The following OVCH2 variants were observed in gnomAD, a reference collection of about 807,000 sequenced individuals.
The protein encoded by OVCH2 is ovochymase-2.
In OVCH2, 88 loss-of-function variants were observed where a neutral mutation model predicts 73.7. The ratio of observed to expected loss-of-function variants is 1.19; its 90% CI spans 1.01 to 1.43. The LOEUF is 1.43. Ranked by LOEUF, OVCH2 falls within the 40% of genes most tolerant of loss-of-function variation. The pLI is 0.00. For missense variants in OVCH2, 706 were observed against 674.5 expected (o/e 1.05, Z -0.52); for synonymous variants, 265 against 234.5 (o/e 1.13, Z -1.19).
At chr11:7,695,432 T>C (rs1856310814) in intron 11 of OVCH2, 138 bp downstream of exon 11, 6 of 968,354 alleles carry the variant, frequency 6.2e-6, no homozygotes, top group Non-Finnish European at 9.2e-6. Context: ...CCCTGTTCTC[T>C]AGTTGGCCTG....
the OVCH2 span, among the ~76,000 whole-genome samples, chr11:7,681,526 C>G: frequency 6.6e-6 from 1 of 152,144 alleles, no homozygotes. Flanking sequence ...TCAACAGAAC[C>G]GCTTGCAGGG....
chr11:7,693,005 G>A (rs902045023), intron 12 of OVCH2, among the ~76,000 whole-genome samples: 5 of 152,056 alleles, frequency 3.3e-5, no homozygotes, highest in African/African-American at 1.2e-4. Context: ...CACTTGTTTT[G>A]TTTCAGGAAA....
At position 7,702,210 on chromosome 11, in the gene OVCH2, T is replaced by A; in HGVS notation, c.410A>T (p.Lys137Ile). The change falls in exon 4 of 16, where the codon AAA becomes ATA. Residue 137 changes from lysine to isoleucine, a missense_variant. Lys to Ile is a moderately radical substitution (Grantham distance 102, BLOSUM62 -3). Transcript: ENST00000533663. ...AAGGGCAATATCATAGTCCATTGGT[T>A]TCTTGGTGGAGAAATGTGGATGTAT... ...VIIHPHFSTK[K>I]PMDYDIALLK... The A allele has an allele frequency of 1.9e-6, 3 of 1,612,928 alleles. No individual in the cohort carries two copies. In the South Asian group the frequency reaches 3.3e-5, roughly 18 times the overall value.
chr11:7,704,907 A>G (rs958338893), intron 1 of OVCH2, among the ~76,000 whole-genome samples: 1 of 152,158 alleles, frequency 6.6e-6, no homozygotes, highest in African/African-American at 2.4e-5. Context: ...ACTCGGATAG[A>G]GGTTTGCTAG....
chr11:7,683,220 T>C, the OVCH2 span, among the ~76,000 whole-genome samples: 7 of 152,302 alleles, frequency 4.6e-5, no homozygotes, highest in African/African-American at 1.2e-4. Flanking sequence ...TTTAAATGAA[T>C]AGGCAAATCA....
Position 7,704,573 on chromosome 11 carries a change from G to T in OVCH2, c.190C>A (p.Pro64Thr). Residue 64 changes from proline to threonine, a missense_variant, in exon 2 of 16, where the codon CCC (proline) becomes ACC (threonine). Transcript: ENST00000533663. ...GGSQVEKGSYPWQVSLKQRQK... is the reference protein window; with the variant it reads ...GGSQVEKGSYTWQVSLKQRQK... ...AAGTCCTTGAGACTCACCTGCCAGG[G>T]ATAGGAACCCTTCTCCACTTGGCTT... The T allele has an allele frequency of 6.2e-7, 1 of 1,604,896 alleles. No homozygotes were observed. Among genetic ancestry groups the T allele is most frequent in the African/African-American group, 1.3e-5 (1 of 74,796 alleles).
chr11:7,689,954 C>T lies in OVCH2; in HGVS notation c.*1G>A, dbSNP rs576581372. ...ACATTGGTTTCTCCATTTGGCACAT[C>T]TCATGTCTCCAGAAACATTGATTCA... On this transcript the variant is annotated 3_prime_UTR_variant, in exon 15 of 16. Transcript: ENST00000533663. 1 of 1,523,796 alleles carries T rather than the reference C, an allele frequency of 6.6e-7. No individual in the cohort carries two copies. Among genetic ancestry groups the T allele is most frequent in the South Asian group, 1.2e-5 (1 of 83,860 alleles). The allele number at this position is 1,523,796 out of a possible 1,614,324, so 94.4% of individuals were successfully genotyped here. A position where few individuals can be genotyped will look rare whatever the true frequency, so the allele number is the denominator to read the frequency against.
At position 7,702,140 on chromosome 11, in the gene OVCH2, G is replaced by C. The variant is rs1265108837; in HGVS notation, c.463+17C>G. On this transcript the variant is annotated intron_variant, in intron 4 of 15. Coordinates refer to ENST00000533663, the MANE Select transcript of OVCH2 (RefSeq NM_198185.7). ...GAACATGGGGTAGACAATTCAGTAT[G>C]ATCCTCAAATGTTTACCAAATTGGA... 3 of 1,582,534 alleles carry C rather than the reference G, an allele frequency of 1.9e-6. No homozygotes were observed. Among genetic ancestry groups the C allele is most frequent in the Admixed American group, 3.4e-5 (2 of 58,776 alleles).
intron 8 of OVCH2, 81 bp downstream of exon 8, chr11:7,698,669 G>C: frequency 6.8e-7 from 1 of 1,470,144 alleles, no homozygotes; most frequent in East Asian, 2.4e-5. Context: ...CTCTTGGAGA[G>C]GAAGACTTCA....
downstream of OVCH2, among the ~76,000 whole-genome samples, chr11:7,685,110 C>A (rs1185014138): frequency 6.6e-6 from 1 of 152,148 alleles, no homozygotes; most frequent in Non-Finnish European, 1.5e-5. Flanking sequence ...AGTCTTGACA[C>A]CCCTGGGTTT....
downstream of OVCH2, among the ~76,000 whole-genome samples, chr11:7,685,930 G>A (rs1405263605): frequency 6.6e-6 from 1 of 152,112 alleles, no homozygotes; most frequent in Admixed American, 6.6e-5. Context: ...TAGTGTTTTA[G>A]GAGCGGAAAA....
At chr11:7,705,725 A>G (rs534450051) in intron 1 of OVCH2, 2 of 152,398 alleles carry the variant, frequency 1.3e-5, no homozygotes, top group South Asian at 2.1e-4. Flanking sequence ...TAACTGTTTC[A>G]GTTGAATGAG....
chr11:7,696,337 C>G (rs4075013), intron 10 of OVCH2, 128 bp downstream of exon 10: 286,148 of 1,335,428 alleles, frequency 0.21, 31,673 homozygotes, highest in East Asian at 0.3. Flanking sequence ...ACTCCCAATT[C>G]TGAGTCTCAA....
At position 7,702,334 on chromosome 11, in the gene OVCH2, G is replaced by C; in HGVS notation, c.291-5C>G. On this transcript the variant is annotated splice_polypyrimidine_tract_variant and splice_region_variant and intron_variant, in intron 3 of 15. Transcript: ENST00000533663. The stretch of plus-strand genomic sequence containing the variant: ...TTCAAAGTAGACACAATGTTTCTAT[G>C]GAAAGCAAAGAGTAAAATGAATGAA... The C allele has an allele frequency of 1.3e-6, 2 of 1,575,650 alleles. No homozygotes were observed. Among genetic ancestry groups the C allele is most frequent in the Non-Finnish European group, 1.7e-6 (2 of 1,164,678 alleles).
At chr11:7,694,887 G>A (rs1856297141) in intron 12 of OVCH2, among the ~76,000 whole-genome samples, 171 bp downstream of exon 12, 2 of 151,242 alleles carry the variant, frequency 1.3e-5, no homozygotes, top group African/African-American at 4.9e-5. Context: ...GAAACTGGGC[G>A]GATCCATTAT....
intron 15 of OVCH2, 44 bp from the exon 16 acceptor site, chr11:7,689,646 C>A: frequency 1.9e-6 from 1 of 520,794 alleles, no homozygotes; most frequent in Non-Finnish European, 3.7e-6. Context: ...CATCATTACA[C>A]GATATTCTCC....
At chr11:7,695,818 C>G in intron 10 of OVCH2, 108 bp from the exon 11 acceptor site, 2 of 1,406,194 alleles carry the variant, frequency 1.4e-6, no homozygotes, top group Non-Finnish European at 9.7e-7. Context: ...TTGTCCAATC[C>G]AAAGTTTCTC....
At position 7,689,567 on chromosome 11, in the gene OVCH2, C is replaced by T. The variant is rs1041535568; in HGVS notation, c.*67G>A. On this transcript the variant is annotated 3_prime_UTR_variant, in exon 16 of 16. Coordinates refer to ENST00000533663, the MANE Select transcript of OVCH2 (RefSeq NM_198185.7). ...CTGCCCCAAGCCTCTCCTCTAGCTT[C>T]TGGTGGTTTACTGACAGTCACTGGT... 5.2e-5 allele frequency: 24 copies of T among 460,906 alleles called. No individual in the cohort carries two copies. The highest frequency in any genetic ancestry group is 4.1e-4 in the East Asian group (6 of 14,748). 28.6% of individuals were successfully genotyped at this position (460,906 alleles called of 1,614,324 possible).
chr11:7,680,350 G>A, the OVCH2 span, among the ~76,000 whole-genome samples: 1 of 152,196 alleles, frequency 6.6e-6, no homozygotes. Context: ...CAAATCTAGG[G>A]TCACAGAAGT....
Sources: gnomAD v4.1 joint callset for allele counts (sites outside exome capture counted in the v4.1 genomes callset) on GRCh38, gnomAD v4.1.1 for gene constraint, MANE v1.5 for transcripts, NCBI Gene and HGNC (gene_info 2026-07-23, HGNC 2026-07-21) for gene names.